Variants in PDE4D observed in about 807,000 individuals in gnomAD.
PDE4D encodes the protein 3',5'-cyclic-AMP phosphodiesterase 4D.
In PDE4D, 24 loss-of-function variants were observed where a neutral mutation model predicts 87.4. The observed-to-expected ratio is 0.27, with a 90% CI of 0.20 to 0.39. The LOEUF (loss-of-function observed/expected upper bound fraction) is 0.39, where lower values mean the gene tolerates loss of function less well. PDE4D is among the 10% of genes least tolerant of loss of function. The pLI is 1.00. For synonymous variants in PDE4D, 384 were observed against 383.2 expected (o/e 1.00, Z -0.02); for missense variants, 714 against 1,041.0 (o/e 0.69, Z 4.32).
At chr5:60,363,032 C>T (rs939776245) in intron 1 of PDE4D, among the ~76,000 whole-genome samples, 2 of 152,104 alleles carry the variant, frequency 1.3e-5, no homozygotes, top group African/African-American at 2.4e-5. Context: ...TGCTTATCAC[C>T]TTGAATGCAT....
chr5:59,868,061 C>A (rs544843020), intron 1 of PDE4D, among the ~76,000 whole-genome samples: 4 of 151,944 alleles, frequency 2.6e-5, no homozygotes, highest in African/African-American at 9.7e-5. Flanking sequence ...GTATCTAAAA[C>A]GGTCAGGTTG....
rs564313621 is a variant in PDE4D at position 59,703,023 on chromosome 5, G to A, written c.455+190145C>T. Among the ~76,000 whole-genome samples the A allele has an allele frequency of 2.5e-4, 38 of 152,154 alleles. 1 individual carries two copies. The highest frequency in any genetic ancestry group is 1.3e-3 in the Admixed American group (20 of 15,272). On this transcript the variant is annotated intron_variant, in intron 1 of 14. Coordinates refer to ENST00000340635, the MANE Select transcript of PDE4D (RefSeq NM_001104631.2). ...CACAGTTTGGAATTACTCAGAAAAC[G>A]TGGAACTGTCTTCAATCCTAAAGCG...
At chr5:59,748,641 G>A (rs1426280436) in intron 1 of PDE4D, among the ~76,000 whole-genome samples, 9 of 132,374 alleles carry the variant, frequency 6.8e-5, no homozygotes, top group African/African-American at 2.5e-4. Context: ...TCACACACCG[G>A]GGCCTATTGT....
intron 6 of PDE4D, among the ~76,000 whole-genome samples, chr5:59,014,815 G>T (rs1026999114): frequency 6.6e-6 from 1 of 152,116 alleles, no homozygotes; most frequent in Non-Finnish European, 1.5e-5. Flanking sequence ...GCATTGCCAA[G>T]ACAATCCTAA....
chr5:59,898,402 T>C (rs533328123), upstream of PDE4D, among the ~76,000 whole-genome samples: 16 of 152,250 alleles, frequency 1.1e-4, no homozygotes, highest in Admixed American at 9.2e-4. Flanking sequence ...GCAACTATAA[T>C]TTGGGAAGAT....
At chr5:59,752,695 T>C (rs1760652402) in intron 1 of PDE4D, among the ~76,000 whole-genome samples, 1 of 152,122 alleles carries the variant, frequency 6.6e-6, no homozygotes. Context: ...CCAGGGATGT[T>C]CTTAACCTCC....
chr5:60,072,818 T>C (rs1323206004), intron 2 of PDE4D, among the ~76,000 whole-genome samples: 2 of 152,182 alleles, frequency 1.3e-5, no homozygotes, highest in African/African-American at 2.4e-5. Context: ...TGCAGCCTTA[T>C]TTCAGGGCTC....
intron 1 of PDE4D, among the ~76,000 whole-genome samples, chr5:59,247,369 T>C (rs758216245): frequency 2.8e-4 from 42 of 152,140 alleles, no homozygotes; most frequent in Non-Finnish European, 5.7e-4. Context: ...ATAGGAAGCC[T>C]GCATTTATTG....
At chr5:59,606,578 C>G (rs555292775) in intron 1 of PDE4D, among the ~76,000 whole-genome samples, 85 of 152,178 alleles carry the variant, frequency 5.6e-4, no homozygotes, top group African/African-American at 1.6e-3. Flanking sequence ...CCTACCTTTG[C>G]CCACCATACT....
rs55821264 is a variant in PDE4D, at chr5:59,616,918, CATAT to C, written c.455+276246_455+276249del. On this transcript the variant is annotated intron_variant, in intron 1 of 14. Transcript: ENST00000340635. ...GTGTATTACTTAGACCTAATAATTA[CATAT>C]ATATATATATATATATATATATATC... Among the ~76,000 whole-genome samples, 178 of 62,902 alleles carry C rather than the reference CATAT, an allele frequency of 2.8e-3. 13 individuals are homozygous for C. Among genetic ancestry groups the C allele is most frequent in the South Asian group, 7.8e-3 (9 of 1,158 alleles). The allele number at this position is 62,902 out of a possible 152,430, so 41.3% of individuals were successfully genotyped here. A position where few individuals can be genotyped will look rare whatever the true frequency, so the allele number is the denominator to read the frequency against.
At chr5:60,103,012 A>G (rs528215932) in intron 2 of PDE4D, among the ~76,000 whole-genome samples, 3 of 152,144 alleles carry the variant, frequency 2.0e-5, no homozygotes, top group South Asian at 2.1e-4. Context: ...AAAAACACCC[A>G]GAAAACATTA....
At chr5:59,439,175 A>C (rs967846784) in intron 1 of PDE4D, among the ~76,000 whole-genome samples, 13 of 152,102 alleles carry the variant, frequency 8.5e-5, no homozygotes, top group Admixed American at 2.0e-4. Flanking sequence ...CTTGACCACC[A>C]TGGTGAAACC....
intron 1 of PDE4D, among the ~76,000 whole-genome samples, chr5:59,875,574 C>T (rs1748466667): frequency 1.3e-5 from 2 of 149,780 alleles, no homozygotes; most frequent in Admixed American, 6.7e-5. Context: ...TTCCTCCTTG[C>T]ACTTTAAATG....
At chr5:59,505,586 C>T (rs2153666270) in intron 1 of PDE4D, among the ~76,000 whole-genome samples, 1 of 152,260 alleles carries the variant, frequency 6.6e-6, no homozygotes, top group African/African-American at 2.4e-5. Context: ...CTACTATGTG[C>T]CAAGCACTGT....
intron 3 of PDE4D, among the ~76,000 whole-genome samples, chr5:59,923,570 C>T (rs1466868395): frequency 6.6e-6 from 1 of 152,148 alleles, no homozygotes; most frequent in Non-Finnish European, 1.5e-5. Flanking sequence ...AGAATCTCTG[C>T]CTAGTAATCC....
At position 60,023,416 on chromosome 5, in the gene PDE4D, C is replaced by A. The variant is rs543838374; in HGVS notation, c.43-34699G>T. 7.2e-5 allele frequency among the ~76,000 whole-genome samples: 11 copies of A among 152,278 alleles called. No individual in the cohort carries two copies. In the South Asian group the frequency reaches 2.3e-3, roughly 32 times the overall value. On this transcript the variant is annotated intron_variant, in intron 2 of 16. Transcript: ENST00000502484. The stretch of plus-strand genomic sequence containing the variant: ...CATAGCTGCCTGACTCAACTCCTAG[C>A]AATTTCAGTTGCATTCCCCCCACCA...
At chr5:59,980,543 C>T (rs371721841) in intron 3 of PDE4D, among the ~76,000 whole-genome samples, 12 of 152,266 alleles carry the variant, frequency 7.9e-5, no homozygotes, top group South Asian at 2.1e-4. Context: ...TTTTTAACAA[C>T]GTGGGAGCCT....
rs114849737 is a variant in PDE4D, at chr5:59,545,385, G to A, written c.456-329417C>T. On this transcript the variant is annotated intron_variant, in intron 1 of 14. Coordinates refer to ENST00000340635, the MANE Select transcript of PDE4D (RefSeq NM_001104631.2). The stretch of plus-strand genomic sequence containing the variant: ...ATGTTGCAGTTTATCAGTGATGTTT[G>A]GCAAAAGAATGGATGTTGATATTAG... Among the ~76,000 whole-genome samples the A allele has an allele frequency of 3.4e-3, 510 of 152,200 alleles. 3 individuals carry two copies. The highest frequency in any genetic ancestry group is 0.012 in the African/African-American group (493 of 41,546).
intron 1 of PDE4D, among the ~76,000 whole-genome samples, chr5:60,472,491 T>C (rs1446235621): frequency 1.3e-5 from 2 of 152,162 alleles, no homozygotes; most frequent in Non-Finnish European, 2.9e-5. Flanking sequence ...AGCACACCCT[T>C]GCACTTCGAT....
Sources: allele counts gnomAD v4.1 joint callset (sites outside exome capture counted in the v4.1 genomes callset), GRCh38; gene constraint gnomAD v4.1.1; transcripts MANE v1.5; gene names NCBI Gene and HGNC (gene_info 2026-07-23, HGNC 2026-07-21).